NRAP: variants seen among roughly 807,000 people sequenced by gnomAD.
NRAP encodes nebulin related anchoring protein, also known as nebulin-related-anchoring protein.
Under a neutral mutation model 225.9 loss-of-function variants are expected in NRAP, and 189 were observed. The observed-to-expected ratio is 0.84, with a 90% CI of 0.74 to 0.94. The LOEUF (loss-of-function observed/expected upper bound fraction) is 0.94, where lower values mean the gene tolerates loss of function less well. Ranked by LOEUF, NRAP falls within the 40% of genes least tolerant of loss-of-function variation. NRAP has a pLI of 0.00. For missense variants in NRAP, 2,176 were observed against 2,168.7 expected (o/e 1.00, Z -0.07); for synonymous variants, 769 against 790.7 (o/e 0.97, Z 0.46).
chr10:113,629,701 CCTT>C lies in NRAP; in HGVS notation c.1924_1926del (p.Lys642del). 6.2e-7 allele frequency: 1 copy of C among 1,613,872 alleles called. No individual in the cohort carries two copies. The highest frequency in any genetic ancestry group is 1.1e-5 in the South Asian group (1 of 91,080). ...TCCAGGTCACTGGCGAGAGTTTGGG[CCTT>C]CTTAGCATGCCTGATGTTTACCATA... is the stretch of plus-strand genomic sequence containing the variant. On this transcript the variant is annotated inframe_deletion, in exon 19 of 42. Coordinates refer to ENST00000359988, the MANE Select transcript of NRAP (RefSeq NM_198060.4).
intron 37 of NRAP, among the ~76,000 whole-genome samples, chr10:113,596,324 A>T (rs560763613): frequency 2.0e-5 from 3 of 152,326 alleles, no homozygotes; most frequent in South Asian, 2.1e-4. Context: ...GAAGTGTTTG[A>T]GTCTTATGTA....
At chr10:113,608,962 C>G (rs1392047390) in intron 31 of NRAP, among the ~76,000 whole-genome samples, 4 of 152,140 alleles carry the variant, frequency 2.6e-5, no homozygotes, top group Non-Finnish European at 5.9e-5. Context: ...AGTTCGAGAC[C>G]ATCCAGGCCA....
Position 113,633,178 on chromosome 10 carries a change from C to G in NRAP, c.1538G>C (p.Arg513Pro), listed in dbSNP as rs371646745. Residue 513 changes from arginine (R) to proline (P), a missense_variant, in exon 16 of 42, where the codon CGT becomes CCT. Arg to Pro is a moderately radical substitution (Grantham distance 103). Around this residue, in one of 3 missense-constraint regions of NRAP, gnomAD observed 1,708 missense variants for 1,695.5 expected, o/e 1.01. Coordinates refer to ENST00000359988, the MANE Select transcript of NRAP (RefSeq NM_198060.4). ...NAQQLSHVNY[R>P]ADYEKNKLNY... The stretch of plus-strand genomic sequence containing the variant: ...CAACTTATTTTTCTCATAGTCAGCA[C>G]GGTAATTCACCTGTTGGATTTAAAA... 2 of 1,574,870 alleles carry G rather than the reference C, an allele frequency of 1.3e-6. No homozygotes were observed. Among genetic ancestry groups the G allele is most frequent in the Non-Finnish European group, 8.7e-7 (1 of 1,144,384 alleles).
intron 4 of NRAP, among the ~76,000 whole-genome samples, chr10:113,656,575 G>A (rs7895182): frequency 0.32 from 49,397 of 152,048 alleles, 8,679 homozygotes; most frequent in African/African-American, 0.47. Flanking sequence ...TCAATAACAA[G>A]TAATACTAGC....
chr10:113,663,223 A>G (rs768149830), intron 2 of NRAP, 129 bp downstream of exon 2: 3 of 650,096 alleles, frequency 4.6e-6, no homozygotes, highest in Non-Finnish European at 8.3e-6. Context: ...GACAGGATAC[A>G]AGGGAACACT....
At position 113,595,365 on chromosome 10, in the gene NRAP, T is replaced by A. The variant is rs562864287; in HGVS notation, c.4536+258A>T. Among the ~76,000 whole-genome samples, 43 of 152,230 alleles carry A rather than the reference T, an allele frequency of 2.8e-4. No homozygotes were observed. In the South Asian group the frequency reaches 8.7e-3, roughly 31 times the overall value. On this transcript the variant is annotated intron_variant, in intron 38 of 41. Transcript: ENST00000359988. ...CACATCACTGAGATCTTTGGAGCCA[T>A]ACCCAAGTCAGAATTTTAGAGCTGG...
rs1846947935 is a variant in NRAP, at chr10:113,606,121, G to T, written c.3807+57C>A. 7 of 1,266,492 alleles carry T rather than the reference G, an allele frequency of 5.5e-6. No homozygotes were observed. The South Asian group carries it at 7.1e-5, about 13-fold the overall frequency. The allele number at this position is 1,266,492 out of a possible 1,614,324, so 78.5% of individuals were successfully genotyped here. A position where few individuals can be genotyped will look rare whatever the true frequency, so the allele number is the denominator to read the frequency against. ...AAGGTCAGTGTTGGGTTACTTCACA[G>T]ATGTAGACATACATGGCTTTGGAGC... On this transcript the variant is annotated intron_variant, in intron 33 of 41. Transcript: ENST00000359988.
At chr10:113,611,337 C>T (rs148912087) in intron 30 of NRAP, among the ~76,000 whole-genome samples, 24 of 152,310 alleles carry the variant, frequency 1.6e-4, no homozygotes, top group African/African-American at 5.1e-4. Context: ...ATCTGAGTGC[C>T]GCTCAGATCG....
At chr10:113,614,391 G>T in intron 28 of NRAP, 95 bp from the exon 29 acceptor site, 2 of 883,102 alleles carry the variant, frequency 2.3e-6, no homozygotes, top group South Asian at 2.8e-5. Flanking sequence ...TTGTTCTTTT[G>T]ACAGTAGCTG....
chr10:113,594,185 C>T lies in NRAP; in HGVS notation c.4536+1438G>A, dbSNP rs143628681. On this transcript the variant is annotated intron_variant, in intron 38 of 41. Transcript: ENST00000359988. ...AGAGTCATTTGATTTTTAGTTATTT[C>T]GGCTGCCTTACACATCTCAATGGCT... 6.5e-3 allele frequency among the ~76,000 whole-genome samples: 990 copies of T among 152,240 alleles called. 8 individuals are homozygous for T. The highest frequency in any genetic ancestry group is 0.019 in the African/African-American group (798 of 41,536).
At chr10:113,658,881 CAAAAAAA>C (rs57340533) in intron 3 of NRAP, among the ~76,000 whole-genome samples, 6 of 78,166 alleles carry the variant, frequency 7.7e-5, no homozygotes, top group African/African-American at 1.2e-4. Context: ...GACCCTGTCT[CAAAAAAA>C]AAAAAAAAAA....
At chr10:113,589,880 C>A in intron 40 of NRAP, 83 bp from the exon 41 acceptor site, 1 of 1,472,418 alleles carries the variant, frequency 6.8e-7, no homozygotes. Context: ...ATTAAAAAGG[C>A]AGCCACAGTA....
intron 38 of NRAP, among the ~76,000 whole-genome samples, chr10:113,593,569 A>G (rs1271508284): frequency 6.6e-6 from 1 of 152,218 alleles, no homozygotes; most frequent in Non-Finnish European, 1.5e-5. Flanking sequence ...TCCTGGGATA[A>G]TCACCTAACT....
In NRAP at chr10:113,590,777, T is replaced by A. The variant is rs1265675595; in HGVS notation, c.4757A>T (p.Asp1586Val). The change falls in exon 40 of 42, where the codon GAC (aspartate) becomes GTC (valine). Residue 1586 changes from aspartate to valine, a missense_variant. Transcript: ENST00000359988. ...HFLNVGRLQS[D>V]NEYKKDFAKS... is the part of the protein sequence containing the mutation. ...GGCAAAGTCCTTCTTGTACTCATTGTCACTCTGGAGCCTGCCAACGTTGAG... is the reference window on the plus strand; with the variant it reads ...GGCAAAGTCCTTCTTGTACTCATTGACACTCTGGAGCCTGCCAACGTTGAG... The A allele has an allele frequency of 1.2e-6, 2 of 1,614,242 alleles. No individual in the cohort carries two copies. The highest frequency in any genetic ancestry group is 2.2e-5 in the East Asian group (1 of 44,890).
Position 113,653,082 on chromosome 10 carries a change from T to C in NRAP, c.466-43A>G, listed in dbSNP as rs142192870. 7.8e-4 allele frequency: 870 copies of C among 1,108,526 alleles called. 11 individuals carry two copies. The East Asian group carries it at 0.013, about 17-fold the overall frequency. 68.7% of individuals were successfully genotyped at this position (1,108,526 alleles called of 1,614,324 possible). The stretch of plus-strand genomic sequence containing the variant: ...TGTCAGCATGAGAACTGAGATGATA[T>C]TGAATGACAACTAAGAAAACCGCAA... On this transcript the variant is annotated intron_variant, in intron 5 of 41. Coordinates refer to ENST00000359988, the MANE Select transcript of NRAP (RefSeq NM_198060.4).
Position 113,589,407 on chromosome 10 carries a change from A to G in NRAP, c.5088+259T>C, listed in dbSNP as rs1052162228. 5.0e-5 allele frequency: 29 copies of G among 578,200 alleles called. No homozygotes were observed. In the Admixed American group the frequency reaches 8.9e-4, roughly 18 times the overall value. The allele number at this position is 578,200 out of a possible 1,614,324, so 35.8% of individuals were successfully genotyped here. A position where few individuals can be genotyped will look rare whatever the true frequency, so the allele number is the denominator to read the frequency against. On this transcript the variant is annotated intron_variant, in intron 41 of 41. Transcript: ENST00000359988. ...ACAGCCTGGGCTGCCCTGGCCCGGG[A>G]TTGATGTAGCCCCGGTAGGTTTGCC...
intron 25 of NRAP, among the ~76,000 whole-genome samples, 184 bp downstream of exon 25, chr10:113,620,420 C>G (rs1227776288): frequency 6.6e-6 from 1 of 152,122 alleles, no homozygotes; most frequent in Non-Finnish European, 1.5e-5. Flanking sequence ...TTTGCCAGGG[C>G]CCCTACTGGT....
At chr10:113,605,947 G>A in intron 33 of NRAP, 78 bp from the exon 34 acceptor site, 1 of 1,061,298 alleles carries the variant, frequency 9.4e-7, no homozygotes, top group African/African-American at 1.6e-5. Context: ...TTCATTTATA[G>A]CACAGTGTTC....
chr10:113,659,263 C>T (rs189987773), intron 3 of NRAP, among the ~76,000 whole-genome samples: 9 of 152,230 alleles, frequency 5.9e-5, no homozygotes, highest in African/African-American at 1.7e-4. Context: ...AGTACTGGCT[C>T]GGGCATAGCA....
Sources: gnomAD v4.1 joint callset for allele counts (sites outside exome capture counted in the v4.1 genomes callset) on GRCh38, gnomAD v4.1.1 for gene constraint, gnomAD v4.1.1 regional missense constraint, MANE v1.5 for transcripts, NCBI Gene and HGNC (gene_info 2026-07-23, HGNC 2026-07-21) for gene names.